PDE4D: variants seen among roughly 807,000 people sequenced by gnomAD.
The protein encoded by PDE4D is phosphodiesterase 4D, also known as 3',5'-cyclic-AMP phosphodiesterase 4D.
A neutral mutation model predicts 87.4 loss-of-function variants in PDE4D; 24 were observed. The observed-to-expected ratio is 0.27, with a 90% confidence interval of 0.20 to 0.39. The LOEUF (loss-of-function observed/expected upper bound fraction) is 0.39, where lower values mean the gene tolerates loss of function less well. Ranked by LOEUF, PDE4D falls within the 10% of genes least tolerant of loss-of-function variation. PDE4D has a pLI of 1.00. For missense variants in PDE4D, 714 were observed against 1,041.0 expected, an observed-to-expected ratio of 0.69 and a Z score of 4.32; for synonymous variants, 384 against 383.2, an observed-to-expected ratio of 1.00 and a Z score of -0.02.
At chr5:59,334,408 G>A (rs943382517) in intron 1 of PDE4D, among the ~76,000 whole-genome samples, 1 of 151,762 alleles carries the variant, frequency 6.6e-6, no homozygotes, top group African/African-American at 2.4e-5. Flanking sequence ...ACAGGAACCT[G>A]CCATTATGCC....
intron 1 of PDE4D, among the ~76,000 whole-genome samples, chr5:59,650,193 C>T (rs1266421282): frequency 6.6e-6 from 1 of 151,946 alleles, no homozygotes; most frequent in African/African-American, 2.4e-5. Flanking sequence ...ATGATTAACT[C>T]TTACCTACAT....
At chr5:59,666,717 C>T (rs1746134045) in intron 1 of PDE4D, among the ~76,000 whole-genome samples, 1 of 152,196 alleles carries the variant, frequency 6.6e-6, no homozygotes, top group Non-Finnish European at 1.5e-5. Flanking sequence ...TGTAAAAGGT[C>T]CTAGCAATGA....
chr5:60,430,175 C>CATGAATGCACTTATGAATGTTGATGGGAT (rs1744096474), intron 1 of PDE4D: 1 of 523,268 alleles, frequency 1.9e-6, no homozygotes, highest in African/African-American at 1.9e-5. Flanking sequence ...AAGCCCACTC[C>CATGAATGCACTTATGAATGTTGATGGGAT]ATGAATGCAC....
rs77102279 is a variant in PDE4D, at chr5:60,299,954, A to C, written c.-89-114267T>G. 0.012 allele frequency among the ~76,000 whole-genome samples: 1,840 copies of C among 152,270 alleles called. 63 individuals are homozygous for C. The East Asian group carries it at 0.13, about 11-fold the overall frequency. ...TGGCTCAAATGGTATTTCTGCCTCA[A>C]GGTCTTTGAGGAATCGCCACACTGT... On this transcript the variant is annotated intron_variant, in intron 1 of 16. Coordinates refer to the PDE4D transcript ENST00000502484.
chr5:59,180,297 G>T (rs1001693637), intron 5 of PDE4D: 2 of 550,500 alleles, frequency 3.6e-6, no homozygotes, highest in Admixed American at 2.5e-5. Flanking sequence ...GAAGTGACTT[G>T]AAAGTAACAT....
At chr5:59,746,583 C>A (rs1180384429) in intron 1 of PDE4D, among the ~76,000 whole-genome samples, 1 of 152,144 alleles carries the variant, frequency 6.6e-6, no homozygotes, top group Non-Finnish European at 1.5e-5. Flanking sequence ...TTGCTCATCA[C>A]CAGATGGCTC....
chr5:59,721,668 A>G lies in PDE4D; in HGVS notation c.455+171500T>C, dbSNP rs556288513. Reference sequence around the variant, plus strand: ...GCCCCCTAAAAATGCTGTTTAAACAATGAATAGATAAAAGAAAGCAACAAT... The same window carrying G: ...GCCCCCTAAAAATGCTGTTTAAACAGTGAATAGATAAAAGAAAGCAACAAT... On this transcript the variant is annotated intron_variant, in intron 1 of 14. Transcript: ENST00000340635. Among the ~76,000 whole-genome samples the G allele has an allele frequency of 2.0e-5, 3 of 152,286 alleles. No homozygotes were observed. The East Asian group carries it at 5.8e-4, about 29-fold the overall frequency.
At chr5:59,450,611 C>A (rs1056064329) in intron 1 of PDE4D, among the ~76,000 whole-genome samples, 1 of 152,196 alleles carries the variant, frequency 6.6e-6, no homozygotes, top group Non-Finnish European at 1.5e-5. Flanking sequence ...AAGACTACAG[C>A]AAACGTCCTT....
At chr5:60,394,799 G>A (rs1762778512) in intron 1 of PDE4D, among the ~76,000 whole-genome samples, 1 of 152,050 alleles carries the variant, frequency 6.6e-6, no homozygotes, top group East Asian at 1.9e-4. Flanking sequence ...CTTTCTTCAG[G>A]GATGGAGCAG....
At chr5:59,593,891 C>A (rs541365385) in intron 1 of PDE4D, among the ~76,000 whole-genome samples, 75 of 152,150 alleles carry the variant, frequency 4.9e-4, no homozygotes, top group Admixed American at 1.8e-3. Context: ...GAGAAAAATT[C>A]TCTCATGCTT....
At chr5:60,108,004 ACCAGGGCAATTAAG>A (rs1562103271) in intron 2 of PDE4D, among the ~76,000 whole-genome samples, 40 of 152,180 alleles carry the variant, frequency 2.6e-4, no homozygotes, top group African/African-American at 9.4e-4. Context: ...GGAAGTTCTG[ACCAGGGCAATTAAG>A]CAGGAGAAGG....
chr5:59,894,072 T>C (rs1045941516), upstream of PDE4D, among the ~76,000 whole-genome samples: 10 of 152,158 alleles, frequency 6.6e-5, no homozygotes, highest in Non-Finnish European at 1.3e-4. Flanking sequence ...ATCCCGGAGC[T>C]GCTGAAAAGT....
At chr5:59,599,162 G>A (rs557205233) in intron 1 of PDE4D, among the ~76,000 whole-genome samples, 1 of 151,928 alleles carries the variant, frequency 6.6e-6, no homozygotes, top group Non-Finnish European at 1.5e-5. Flanking sequence ...TTTGTAAATG[G>A]ATATCAATAT....
chr5:60,258,487 C>A (rs1211873429), intron 1 of PDE4D, among the ~76,000 whole-genome samples: 1 of 151,898 alleles, frequency 6.6e-6, no homozygotes, highest in Non-Finnish European at 1.5e-5. Flanking sequence ...GGTGAACTTG[C>A]AATGAATTTG....
chr5:60,209,613 A>G (rs1742955395), intron 1 of PDE4D, among the ~76,000 whole-genome samples: 1 of 151,858 alleles, frequency 6.6e-6, no homozygotes, highest in Admixed American at 6.6e-5. Flanking sequence ...TTTTTTTCCT[A>G]GTTTGGGCAT....
intron 2 of PDE4D, among the ~76,000 whole-genome samples, chr5:60,151,755 T>G (rs761180331): frequency 6.6e-6 from 1 of 152,228 alleles, no homozygotes; most frequent in Non-Finnish European, 1.5e-5. Context: ...CTAATTCCTT[T>G]GATTAGGACT....
At chr5:60,082,921 A>G (rs1158488714) in intron 2 of PDE4D, among the ~76,000 whole-genome samples, 1 of 152,162 alleles carries the variant, frequency 6.6e-6, no homozygotes, top group African/African-American at 2.4e-5. Context: ...CTGATTTCTC[A>G]GGTCATAGCT....
chr5:59,126,353 T>A (rs1345443355), intron 5 of PDE4D, among the ~76,000 whole-genome samples: 1 of 152,210 alleles, frequency 6.6e-6, no homozygotes, highest in Non-Finnish European at 1.5e-5. Flanking sequence ...ATTATTACAG[T>A]AAGCAAGACG....
At chr5:60,000,599 T>C (rs965357268) in intron 2 of PDE4D, among the ~76,000 whole-genome samples, 2 of 152,168 alleles carry the variant, frequency 1.3e-5, no homozygotes, top group African/African-American at 2.4e-5. Context: ...AGACAAAGTA[T>C]GCTAGACAGC....
Sources: allele counts gnomAD v4.1 joint callset (sites outside exome capture counted in the v4.1 genomes callset), GRCh38; gene constraint gnomAD v4.1.1; transcripts MANE v1.5; gene names NCBI Gene and HGNC (gene_info 2026-07-23, HGNC 2026-07-21).